KLHL29: variants seen among roughly 807,000 people sequenced by gnomAD.
KLHL29 encodes kelch-like protein 29.
In KLHL29, 21 loss-of-function variants were observed where a neutral mutation model predicts 80.4. That is an observed-to-expected ratio of 0.26 (90% CI 0.19 to 0.38). The LOEUF (loss-of-function observed/expected upper bound fraction) is 0.38. KLHL29 is among the 10% of genes least tolerant of loss of function. KLHL29 has a pLI of 1.00. For missense variants in KLHL29, 867 were observed against 1,223.9 expected, an observed-to-expected ratio of 0.71 and a Z score of 4.35; for synonymous variants, 511 against 526.8, an observed-to-expected ratio of 0.97 and a Z score of 0.41.
chr2:23,510,131 C>T (rs553907067), intron 2 of KLHL29, among the ~76,000 whole-genome samples: 1 of 152,142 alleles, frequency 6.6e-6, no homozygotes, highest in East Asian at 1.9e-4. Context: ...ATCCTAAAGA[C>T]CCTTTATTCA....
intron 5 of KLHL29, among the ~76,000 whole-genome samples, chr2:23,648,162 C>A (rs574587063): frequency 6.6e-6 from 1 of 152,118 alleles, no homozygotes. Context: ...CTGTTTCAAA[C>A]TTCCTTCTGC....
Position 23,647,447 on chromosome 2 carries a change from G to A in KLHL29, c.940+4597G>A, listed in dbSNP as rs182683277. Among the ~76,000 whole-genome samples the A allele has an allele frequency of 6.6e-6, 1 of 152,218 alleles. No homozygotes were observed. Among genetic ancestry groups the A allele is most frequent in the African/African-American group, 2.4e-5 (1 of 41,530 alleles). On this transcript the variant is annotated intron_variant, in intron 5 of 13. Coordinates refer to ENST00000486442, the MANE Select transcript of KLHL29 (RefSeq NM_052920.2). The surrounding 1 kb of genome is among the most constrained non-coding windows in gnomAD (Gnocchi z 4.9). ...AATTCATTCAGGGTTCAGACTCAAG[G>A]CCTGCGTTGTCTGTGGCCAGCCCTT...
At chr2:23,650,168 A>C (rs574200251) in intron 5 of KLHL29, among the ~76,000 whole-genome samples, 1 of 152,268 alleles carries the variant, frequency 6.6e-6, no homozygotes, top group Non-Finnish European at 1.5e-5. Context: ...GGAGCTGGGG[A>C]GACCAGGAGG....
At chr2:23,533,647 G>T (rs1187954633) in intron 2 of KLHL29, among the ~76,000 whole-genome samples, 2 of 152,158 alleles carry the variant, frequency 1.3e-5, no homozygotes, top group Non-Finnish European at 2.9e-5. Flanking sequence ...TTTGGGCTGG[G>T]TGATGGCATT....
rs1405526228 is a variant in KLHL29 at position 23,408,580 on chromosome 2, A to G, written c.-154+22800A>G. Among the ~76,000 whole-genome samples the G allele has an allele frequency of 4.6e-5, 7 of 152,258 alleles. No homozygotes were observed. In the East Asian group the frequency reaches 1.3e-3, roughly 29 times the overall value. On this transcript the variant is annotated intron_variant, in intron 1 of 13. Coordinates refer to ENST00000486442, the MANE Select transcript of KLHL29 (RefSeq NM_052920.2). ...ATCGTTCTGTCCCAACATATTTGCT[A>G]ATGAGTTATTACTGGCAAATAAAAA...
At chr2:23,465,635 A>T (rs900714679) in intron 1 of KLHL29, among the ~76,000 whole-genome samples, 1 of 152,168 alleles carries the variant, frequency 6.6e-6, no homozygotes, top group Non-Finnish European at 1.5e-5. Flanking sequence ...CTCATACCCT[A>T]GTGCTTCCTT....
intron 3 of KLHL29, 24 bp from the exon 4 acceptor site, chr2:23,639,115 C>T (rs767574615): frequency 4.0e-6 from 6 of 1,514,212 alleles, no homozygotes; most frequent in South Asian, 3.8e-5. Flanking sequence ...AGGCTATGCT[C>T]ACCTCCTCAT....
chr2:23,390,219 G>A (rs1262319357), intron 1 of KLHL29, among the ~76,000 whole-genome samples: 1 of 152,180 alleles, frequency 6.6e-6, no homozygotes, highest in East Asian at 1.9e-4. Flanking sequence ...TTTATCGTTT[G>A]GGAGCATTTC....
intron 3 of KLHL29, among the ~76,000 whole-genome samples, chr2:23,636,757 CTG>C (rs1669622039): frequency 6.6e-6 from 1 of 152,300 alleles, no homozygotes; most frequent in South Asian, 2.1e-4. Flanking sequence ...GCTGAGCAAT[CTG>C]TGTTGGAAAA....
At position 23,642,813 on chromosome 2, in the gene KLHL29, G is replaced by T. The variant is rs1344652958; in HGVS notation, c.903G>T (p.Val301=). Residue 301 remains valine, a synonymous_variant, in exon 5 of 14, where the codon GTG becomes GTT. Transcript: ENST00000486442. The part of the protein sequence containing the change: ...HGLQMLRTIG[V]GKYEFTDPGH... ...TGCAGATGCTGCGGACCATTGGCGT[G>T]GGGAAGTATGAGTTCACCGACCCGG... 1 of 1,550,488 alleles carries T rather than the reference G, an allele frequency of 6.4e-7. No individual in the cohort carries two copies. The highest frequency in any genetic ancestry group is 2.0e-5 in the Admixed American group (1 of 51,014).
At chr2:23,679,337 C>T (rs1183403749) in intron 5 of KLHL29, among the ~76,000 whole-genome samples, 1 of 152,238 alleles carries the variant, frequency 6.6e-6, no homozygotes, top group Non-Finnish European at 1.5e-5. Flanking sequence ...AATGCCTCAT[C>T]TGGGACAGCT....
At chr2:23,469,560 G>A (rs1349776022) in intron 1 of KLHL29, among the ~76,000 whole-genome samples, 1 of 152,204 alleles carries the variant, frequency 6.6e-6, no homozygotes, top group Non-Finnish European at 1.5e-5. Context: ...TTTACAGGGA[G>A]GATGGAGGCC....
intron 1 of KLHL29, among the ~76,000 whole-genome samples, chr2:23,399,558 T>G (rs1295733173): frequency 6.6e-6 from 1 of 152,240 alleles, no homozygotes; most frequent in Non-Finnish European, 1.5e-5. Context: ...AGCATTGCAT[T>G]GCGTTTATTT....
intron 2 of KLHL29, among the ~76,000 whole-genome samples, chr2:23,510,029 AGTTAATCAC>A (rs1665721099): frequency 6.6e-6 from 1 of 152,150 alleles, no homozygotes; most frequent in Non-Finnish European, 1.5e-5. Context: ...GTCCCGGCAG[AGTTAATCAC>A]ACTGGCTACA....
chr2:23,557,921 A>T (rs1472101651), intron 2 of KLHL29, among the ~76,000 whole-genome samples: 2 of 152,060 alleles, frequency 1.3e-5, no homozygotes, highest in Non-Finnish European at 2.9e-5. Context: ...CACAACAAAG[A>T]TTCACGCCCC....
chr2:23,630,250 G>A (rs144278737), intron 3 of KLHL29, among the ~76,000 whole-genome samples: 39 of 152,324 alleles, frequency 2.6e-4, no homozygotes, highest in East Asian at 9.7e-4. Flanking sequence ...AGGAGAGGCC[G>A]TGGCCGGTGT....
chr2:23,635,376 G>C (rs1669580773), intron 3 of KLHL29, among the ~76,000 whole-genome samples: 1 of 152,198 alleles, frequency 6.6e-6, no homozygotes, highest in African/African-American at 2.4e-5. Context: ...CAGAGCAGCT[G>C]TGTGGGCCAT....
chr2:23,510,261 G>C (rs1665728587), intron 2 of KLHL29, among the ~76,000 whole-genome samples: 1 of 152,174 alleles, frequency 6.6e-6, no homozygotes. Context: ...TCTGGAAGAT[G>C]GGGGAGACTT....
chr2:23,400,438 G>GT (rs1239935300), intron 1 of KLHL29, among the ~76,000 whole-genome samples: 7 of 152,302 alleles, frequency 4.6e-5, no homozygotes, highest in Admixed American at 2.0e-4. Flanking sequence ...CCATTCTTGG[G>GT]TGAGTTTGTA....
Sources: allele counts gnomAD v4.1 joint callset (sites outside exome capture counted in the v4.1 genomes callset), GRCh38; gene constraint gnomAD v4.1.1; non-coding constraint Gnocchi (gnomAD v3.1); transcripts MANE v1.5; gene names NCBI Gene and HGNC (gene_info 2026-07-23, HGNC 2026-07-21).